Variants in ATR observed in about 807,000 individuals in gnomAD.
ATR encodes serine/threonine-protein kinase ATR.
ATR carries 142 observed loss-of-function variants against 305.3 expected under a neutral mutation model. The ratio of observed to expected loss-of-function variants is 0.47; its 90% CI spans 0.41 to 0.53. The LOEUF is 0.53. ATR is among the 20% of genes least tolerant of loss of function. The pLI is 0.00. For missense variants in ATR, 2,135 were observed against 3,133.1 expected, an observed-to-expected ratio of 0.68 and a Z score of 7.60; for synonymous variants, 1,050 against 1,068.1, an observed-to-expected ratio of 0.98 and a Z score of 0.33.
At chr3:142,577,830 G>A (rs1451315791) in intron 1 of ATR, among the ~76,000 whole-genome samples, 1 of 152,194 alleles carries the variant, frequency 6.6e-6, no homozygotes, top group African/African-American at 2.4e-5. Context: ...AAGCTCTACC[G>A]AGTCTTTAGG....
intron 25 of ATR, among the ~76,000 whole-genome samples, chr3:142,515,135 TA>T: frequency 6.6e-6 from 1 of 152,240 alleles, no homozygotes; most frequent in South Asian, 2.1e-4. Context: ...TTTTACAATA[TA>T]AAAGGAATAA....
intron 30 of ATR, among the ~76,000 whole-genome samples, chr3:142,502,704 C>T (rs537910754): frequency 6.6e-6 from 1 of 152,196 alleles, no homozygotes; most frequent in South Asian, 2.1e-4. Flanking sequence ...AACTGAGATC[C>T]CATTCCCTTT....
At chr3:142,488,030 A>T (rs1031122819) in intron 35 of ATR, among the ~76,000 whole-genome samples, 18 of 152,210 alleles carry the variant, frequency 1.2e-4, no homozygotes, top group African/African-American at 4.3e-4. Context: ...GAAATTGATG[A>T]TTTATATCAA....
rs773912232 is a variant in ATR, at chr3:142,540,895, G to T, written c.3581+9C>A. 2.2e-5 allele frequency: 35 copies of T among 1,603,430 alleles called. No individual in the cohort carries two copies. Among genetic ancestry groups the T allele is most frequent in the Non-Finnish European group, 2.8e-5 (33 of 1,174,092 alleles). Reference sequence around the variant, plus strand: ...AAAAAAAAATTAATAAACTCAGGCAGTCATTTACCTGCAACACAATTCAGG... The same window carrying T: ...AAAAAAAAATTAATAAACTCAGGCATTCATTTACCTGCAACACAATTCAGG... On this transcript the variant is annotated intron_variant, in intron 18 of 46. Coordinates refer to ENST00000350721, the MANE Select transcript of ATR (RefSeq NM_001184.4).
chr3:142,531,003 G>A (rs975570373), intron 21 of ATR, among the ~76,000 whole-genome samples: 5 of 151,964 alleles, frequency 3.3e-5, no homozygotes, highest in African/African-American at 7.3e-5. Flanking sequence ...TCATCAGAAC[G>A]TACCCGCTCT....
chr3:142,578,540 G>A (rs2035515139), intron 1 of ATR, 106 bp downstream of exon 1: 5 of 1,319,558 alleles, frequency 3.8e-6, no homozygotes, highest in Non-Finnish European at 4.2e-6. Context: ...CGCAGCGGGG[G>A]CTTAGGGGAT....
At chr3:142,451,807 A>T (rs1478351892) in intron 46 of ATR, 20 of 1,266,056 alleles carry the variant, frequency 1.6e-5, no homozygotes, top group Admixed American at 2.6e-5. Context: ...TTAGATATGT[A>T]TATAGCTTGA....
At chr3:142,547,695 C>CA (rs758297210) in intron 16 of ATR, 30 bp downstream of exon 16, 6 of 1,605,088 alleles carry the variant, frequency 3.7e-6, no homozygotes, top group Admixed American at 1.7e-5. Flanking sequence ...GAAAAACAAA[C>CA]AAAAAAACCT....
In ATR at chr3:142,515,599, C is replaced by G. The variant is rs2032826244; in HGVS notation, c.4383-84G>C. 8 of 1,397,546 alleles carry G rather than the reference C, an allele frequency of 5.7e-6. No homozygotes were observed. The South Asian group carries it at 9.8e-5, about 17-fold the overall frequency. 86.6% of individuals were successfully genotyped at this position (1,397,546 alleles called of 1,614,324 possible). On this transcript the variant is annotated intron_variant, in intron 24 of 46. Transcript: ENST00000350721. ...AAATTACAGCAACTCCTTCAGTTGA[C>G]TACCTCAGTACTGCCTTGCCTTTAC...
At chr3:142,535,794 G>A (rs1394200933) in intron 20 of ATR, among the ~76,000 whole-genome samples, 1 of 152,124 alleles carries the variant, frequency 6.6e-6, no homozygotes. Context: ...CTTCTCTTAG[G>A]GTGTGCCGCT....
Position 142,510,760 on chromosome 3 carries a change from T to G in ATR, c.4852+1500A>C, listed in dbSNP as rs146263258. Among the ~76,000 whole-genome samples the G allele has an allele frequency of 5.3e-5, 8 of 151,454 alleles. No individual in the cohort carries two copies. In the East Asian group the frequency reaches 1.6e-3, roughly 29 times the overall value. ...AATACTTGATGTCTGTGAGAACAGCTAAGGTATAAGGCCAGATTATAACCA... is the reference window on the plus strand; with the variant it reads ...AATACTTGATGTCTGTGAGAACAGCGAAGGTATAAGGCCAGATTATAACCA... On this transcript the variant is annotated intron_variant, in intron 27 of 46. Coordinates refer to ENST00000350721, the MANE Select transcript of ATR (RefSeq NM_001184.4).
At chr3:142,483,010 C>CTT (rs1227169409) in intron 36 of ATR, among the ~76,000 whole-genome samples, 14 of 92,322 alleles carry the variant, frequency 1.5e-4, no homozygotes, top group African/African-American at 4.6e-4. Flanking sequence ...TTCTTTCTTT[C>CTT]TTTTTTTTTT....
Position 142,513,497 on chromosome 3 carries a change from T to G in ATR, c.4641+4A>C. 1 of 1,613,346 alleles carries G rather than the reference T, an allele frequency of 6.2e-7. No individual in the cohort carries two copies. The highest frequency in any genetic ancestry group is 8.5e-7 in the Non-Finnish European group (1 of 1,179,554). On this transcript the variant is annotated splice_donor_region_variant and intron_variant, in intron 26 of 46. Transcript: ENST00000350721. ...CAAAAACCAAGTAAGATGATTTATC[T>G]CACCTCCTGCTGATCTTCTTGATTA...
chr3:142,513,862 T>G (rs2032719362), intron 25 of ATR, among the ~76,000 whole-genome samples: 1 of 152,086 alleles, frequency 6.6e-6, no homozygotes, highest in Non-Finnish European at 1.5e-5. Flanking sequence ...TAAAGAGATT[T>G]TTTCTTCAAA....
chr3:142,469,582 A>T lies in ATR; in HGVS notation c.6320-13T>A. 6.3e-7 allele frequency: 1 copy of T among 1,591,978 alleles called. No individual in the cohort carries two copies. Among genetic ancestry groups the T allele is most frequent in the Non-Finnish European group, 8.6e-7 (1 of 1,160,200 alleles). On this transcript the variant is annotated splice_polypyrimidine_tract_variant and intron_variant, in intron 37 of 46. Coordinates refer to ENST00000350721, the MANE Select transcript of ATR (RefSeq NM_001184.4). ...TCGGAGCGGCCAGCTGGGGGAAGAA[A>T]TAAGTTTAAAAAACAATAAAGGAAA...
At chr3:142,456,615 G>T (rs2070914390) in intron 45 of ATR, among the ~76,000 whole-genome samples, 1 of 152,008 alleles carries the variant, frequency 6.6e-6, no homozygotes, top group Non-Finnish European at 1.5e-5. Context: ...TTAAAAGTGG[G>T]CAAAGGATTT....
intron 46 of ATR, chr3:142,451,552 C>T: frequency 1.5e-6 from 2 of 1,343,744 alleles, no homozygotes; most frequent in Non-Finnish European, 1.9e-6. Flanking sequence ...AGAGTGGGCA[C>T]TTGTCTGTAT....
rs759571899 is a variant in ATR, at chr3:142,560,323, G to C, written c.1481C>G (p.Ala494Gly). 6.2e-7 allele frequency: 1 copy of C among 1,613,906 alleles called. No individual in the cohort carries two copies. Among genetic ancestry groups the C allele is most frequent in the East Asian group, 2.2e-5 (1 of 44,812 alleles). ...CAGAGCAGTCAGTTGTAAGACAACA[G>C]CAATTCCTTCTAACATCTCAATAAC... ...NPVIEMLEGI[A>G]VVLQLTALCT... The change falls in exon 6 of 47, where the codon GCT becomes GGT. Residue 494 changes from alanine to glycine, a missense_variant. Physicochemically the swap from Ala to Gly is moderately conservative, Grantham distance 60. Around this residue, in one of 9 missense-constraint regions of ATR, gnomAD observed 744 missense variants for 873.2 expected, o/e 0.85. Transcript: ENST00000350721.
intron 30 of ATR, among the ~76,000 whole-genome samples, chr3:142,503,045 T>C (rs2032057937): frequency 6.6e-6 from 1 of 152,206 alleles, no homozygotes; most frequent in Admixed American, 6.5e-5. Flanking sequence ...TAAGTGGTAC[T>C]GATACTGTAA....
Sources: gnomAD v4.1 joint callset for allele counts (sites outside exome capture counted in the v4.1 genomes callset) on GRCh38, gnomAD v4.1.1 for gene constraint, gnomAD v4.1.1 regional missense constraint, MANE v1.5 for transcripts, NCBI Gene and HGNC (gene_info 2026-07-23, HGNC 2026-07-21) for gene names.